VRK2: variants seen among roughly 807,000 people sequenced by gnomAD.
VRK2 encodes the protein VRK serine/threonine kinase 2.
In VRK2, 60 loss-of-function variants were observed where a neutral mutation model predicts 57.6. The observed-to-expected ratio is 1.04, with a 90% CI of 0.85 to 1.29. The LOEUF is 1.29. Ranked by LOEUF, VRK2 falls within the 50% of genes most tolerant of loss-of-function variation. The pLI is 0.00. For missense variants in VRK2, 705 were observed against 588.1 expected, an observed-to-expected ratio of 1.20 and a Z score of -2.06; for synonymous variants, 231 against 199.2, an observed-to-expected ratio of 1.16 and a Z score of -1.35.
At chr2:58,114,374 T>A (rs1042790691) in intron 7 of VRK2, among the ~76,000 whole-genome samples, 3 of 151,744 alleles carry the variant, frequency 2.0e-5, no homozygotes, top group African/African-American at 7.3e-5. Context: ...CATGTATGAG[T>A]AGTTGAGAAT....
chr2:58,155,486 G>C (rs1282279805), intron 12 of VRK2, among the ~76,000 whole-genome samples: 3 of 148,636 alleles, frequency 2.0e-5, no homozygotes, highest in African/African-American at 7.9e-5. Flanking sequence ...TTACAGTTTT[G>C]GTAGTCTCCT....
At chr2:58,045,715 T>G (rs1356721570), upstream of VRK2, among the ~76,000 whole-genome samples, 1 of 152,216 alleles carries the variant, frequency 6.6e-6, no homozygotes, top group Non-Finnish European at 1.5e-5. Flanking sequence ...ATTAAAGGGC[T>G]CTAATTTTCC....
intron 7 of VRK2, among the ~76,000 whole-genome samples, chr2:58,090,616 G>T (rs1473064524): frequency 6.6e-6 from 1 of 152,092 alleles, no homozygotes; most frequent in African/African-American, 2.4e-5. Context: ...TAATGGAAAT[G>T]CAAAATGATA....
intron 1 of VRK2, among the ~76,000 whole-genome samples, chr2:58,016,070 T>C (rs1441020997): frequency 6.6e-6 from 1 of 152,198 alleles, no homozygotes; most frequent in Non-Finnish European, 1.5e-5. Context: ...CTGTGGACTC[T>C]TGAGTTACAC....
intron 1 of VRK2, among the ~76,000 whole-genome samples, chr2:57,917,861 A>G (rs946090111): frequency 2.0e-5 from 3 of 152,036 alleles, no homozygotes; most frequent in African/African-American, 7.2e-5. Context: ...AAGAGAGAGG[A>G]TTTACAAGTC....
chr2:57,927,728 G>A (rs747026986), intron 1 of VRK2, among the ~76,000 whole-genome samples: 21 of 152,282 alleles, frequency 1.4e-4, no homozygotes, highest in South Asian at 6.2e-4. Flanking sequence ...CAGGTCTGGT[G>A]TTGATGAAAT....
intron 1 of VRK2, among the ~76,000 whole-genome samples, chr2:57,923,411 TAAAAGTCA>T (rs879342658): frequency 2.6e-5 from 4 of 152,066 alleles, no homozygotes; most frequent in African/African-American, 2.4e-5. Flanking sequence ...GTTTTTTAGA[TAAAAGTCA>T]TTTTAACTGA....
chr2:57,944,348 T>G (rs1378465962), intron 1 of VRK2, among the ~76,000 whole-genome samples: 1 of 152,194 alleles, frequency 6.6e-6, no homozygotes, highest in Non-Finnish European at 1.5e-5. Context: ...GAGGGGCCAT[T>G]TAAGAGAGCA....
At chr2:57,989,815 G>C (rs1672708179) in intron 1 of VRK2, among the ~76,000 whole-genome samples, 2 of 152,020 alleles carry the variant, frequency 1.3e-5, no homozygotes, top group South Asian at 4.2e-4. Flanking sequence ...TCTCCTGTTT[G>C]TTTTATTATT....
At chr2:58,002,562 C>T (rs1326263544) in intron 1 of VRK2, among the ~76,000 whole-genome samples, 1 of 151,900 alleles carries the variant, frequency 6.6e-6, no homozygotes, top group Non-Finnish European at 1.5e-5. Flanking sequence ...GAGAGATCAC[C>T]ATAAGCTGAA....
chr2:58,032,211 C>T (rs1473961153), intron 2 of VRK2, among the ~76,000 whole-genome samples: 3 of 151,818 alleles, frequency 2.0e-5, no homozygotes, highest in Non-Finnish European at 4.4e-5. Context: ...TGTTTTTTTC[C>T]CTAGGTTTTA....
intron 1 of VRK2, among the ~76,000 whole-genome samples, chr2:57,920,886 T>C (rs935138893): frequency 6.6e-6 from 1 of 152,058 alleles, no homozygotes; most frequent in Non-Finnish European, 1.5e-5. Flanking sequence ...ATCAGAATAG[T>C]ACATGTTATA....
intron 7 of VRK2, among the ~76,000 whole-genome samples, chr2:58,120,828 AACATAGATGGCGTGATC>A (rs377418521): frequency 0.016 from 2,497 of 152,296 alleles, 25 homozygotes; most frequent in Non-Finnish European, 0.025. Context: ...CCAATTAGCA[AACATAGATGGCGTGATC>A]ACATTGACCA....
intron 1 of VRK2, among the ~76,000 whole-genome samples, chr2:57,982,466 A>G (rs1288780643): frequency 6.6e-6 from 1 of 152,168 alleles, no homozygotes; most frequent in East Asian, 1.9e-4. Flanking sequence ...CAGCAGGGGA[A>G]GGCTGCAGGC....
chr2:58,095,983 T>C (rs911425432), intron 7 of VRK2, among the ~76,000 whole-genome samples: 1 of 152,258 alleles, frequency 6.6e-6, no homozygotes, highest in East Asian at 1.9e-4. Flanking sequence ...CTTATGTTCT[T>C]GAATGTGTTT....
At chr2:57,923,986 T>C (rs1461931577) in intron 1 of VRK2, among the ~76,000 whole-genome samples, 1 of 152,072 alleles carries the variant, frequency 6.6e-6, no homozygotes, top group Non-Finnish European at 1.5e-5. Context: ...GACTTTCCTT[T>C]CCATAATGTA....
At chr2:57,938,796 ATC>A (rs1468927721) in intron 1 of VRK2, among the ~76,000 whole-genome samples, 1 of 148,638 alleles carries the variant, frequency 6.7e-6, no homozygotes, top group African/African-American at 2.5e-5. Context: ...AAGATCATGT[ATC>A]TCTGAGTTCA....
chr2:58,044,532 A>G, upstream of VRK2, among the ~76,000 whole-genome samples: 1 of 152,372 alleles, frequency 6.6e-6, no homozygotes, highest in East Asian at 1.9e-4. Context: ...TTGTCAAAAT[A>G]AATAATAAAC....
At chr2:58,149,675 A>G (rs1053668377) in intron 12 of VRK2, among the ~76,000 whole-genome samples, 1 of 151,612 alleles carries the variant, frequency 6.6e-6, no homozygotes, top group South Asian at 2.1e-4. Flanking sequence ...GATTTTTTCT[A>G]AATGCCCTTT....
Sources: gnomAD v4.1 joint callset for allele counts (sites outside exome capture counted in the v4.1 genomes callset) on GRCh38, gnomAD v4.1.1 for gene constraint, MANE v1.5 for transcripts, NCBI Gene and HGNC (gene_info 2026-07-23, HGNC 2026-07-21) for gene names.